WDR88: variants seen among roughly 807,000 people sequenced by gnomAD.
WDR88 encodes WD repeat domain 88, also known as WD repeat-containing protein 88.
In WDR88, 40 loss-of-function variants were observed where a neutral mutation model predicts 46.8. The ratio of observed to expected loss-of-function variants is 0.86; its 90% CI spans 0.66 to 1.11. WDR88 has a LOEUF of 1.11. Ranked by LOEUF, WDR88 falls within the 50% of genes most tolerant of loss-of-function variation. The pLI, the probability that WDR88 is intolerant of heterozygous loss-of-function variation, is 0.00. For missense variants in WDR88, 562 were observed against 602.4 expected (o/e 0.93, Z 0.70); for synonymous variants, 235 against 240.7 (o/e 0.98, Z 0.22).
intron 3 of WDR88, 125 bp from the exon 4 acceptor site, chr19:33,147,520 T>C: frequency 7.2e-6 from 6 of 828,434 alleles, no homozygotes; most frequent in Non-Finnish European, 1.1e-5. Context: ...GGAGGGTCGT[T>C]TGAACCTGGG....
At chr19:33,171,183 G>A (rs1028127849) in intron 9 of WDR88, among the ~76,000 whole-genome samples, 2 of 151,988 alleles carry the variant, frequency 1.3e-5, no homozygotes, top group Non-Finnish European at 2.9e-5. Flanking sequence ...ACAGAGTTTC[G>A]CCATGTTGGC....
intron 5 of WDR88, among the ~76,000 whole-genome samples, chr19:33,150,441 C>G (rs1420503136): frequency 6.6e-6 from 1 of 152,096 alleles, no homozygotes; most frequent in African/African-American, 2.4e-5. Context: ...AGAATGAGGC[C>G]CTGTCTCAAA....
At position 33,156,478 on chromosome 19, in the gene WDR88, A is replaced by G. The variant is rs769601700; in HGVS notation, c.933A>G (p.Gly311=). The change falls in exon 7 of 11, where the codon GGA becomes GGG. Residue 311 remains glycine, a synonymous_variant. Transcript: ENST00000355868. The part of the protein sequence containing the change: ...NVHTGEFRNC[G]ACVTLMQGHE... ...ACACAGGGGAGTTTCGAAACTGTGG[A>G]GCCTGTGTGACTCTGATGCAGGGCC... 6.2e-6 allele frequency: 10 copies of G among 1,614,028 alleles called. No individual in the cohort carries two copies. In the Admixed American group the frequency reaches 1.5e-4, roughly 24 times the overall value.
intron 10 of WDR88, among the ~76,000 whole-genome samples, chr19:33,173,946 G>A (rs760441868): frequency 6.6e-6 from 1 of 152,166 alleles, no homozygotes; most frequent in East Asian, 1.9e-4. Context: ...CGCCTCCCGG[G>A]TTCAAGCGAT....
chr19:33,160,401 T>TTTTCA lies in WDR88; in HGVS notation c.998-9_998-8insATTTC, dbSNP rs1973845369. ...GTTGACCCCCATCTCCACCCTTTCA[T>TTTTCA]TTTCTGTTGCAGGCTCTTTTCTCAT... On this transcript the variant is annotated splice_polypyrimidine_tract_variant and intron_variant, in intron 7 of 10. Coordinates refer to ENST00000355868, the MANE Select transcript of WDR88 (RefSeq NM_173479.4). 11 of 1,613,958 alleles carry TTTTCA rather than the reference T, an allele frequency of 6.8e-6. No individual in the cohort carries two copies. Among genetic ancestry groups the TTTTCA allele is most frequent in the Middle Eastern group, 1.6e-4 (1 of 6,082 alleles).
chr19:33,155,158 T>G (rs1047348463), intron 6 of WDR88, among the ~76,000 whole-genome samples: 21 of 152,346 alleles, frequency 1.4e-4, no homozygotes, highest in African/African-American at 5.0e-4. Context: ...ATTTTTTTTC[T>G]GAGATAGAGT....
chr19:33,157,677 GTGTA>G (rs1235076425), intron 7 of WDR88, among the ~76,000 whole-genome samples: 639 of 3,342 alleles, frequency 0.19, 17 homozygotes, highest in Non-Finnish European at 0.22. Context: ...ATGTGTGTGT[GTGTA>G]TGTATGTATA....
chr19:33,134,886 G>T (rs1417813338), intron 1 of WDR88, among the ~76,000 whole-genome samples: 1 of 76,330 alleles, frequency 1.3e-5, no homozygotes, highest in Non-Finnish European at 2.4e-5. Context: ...GGCCACCGCC[G>T]CCCTGAACCG....
chr19:33,172,261 C>T, intron 9 of WDR88, 87 bp from the exon 10 acceptor site: 2 of 1,140,952 alleles, frequency 1.8e-6, no homozygotes, highest in South Asian at 1.4e-5. Flanking sequence ...GCCTTGACAG[C>T]CCATGTCTTT....
chr19:33,162,056 CT>C (rs1312017519), intron 8 of WDR88, among the ~76,000 whole-genome samples: 1 of 152,182 alleles, frequency 6.6e-6, no homozygotes, highest in East Asian at 1.9e-4. Flanking sequence ...CCTCTGATTC[CT>C]TTTTCTCTAA....
chr19:33,161,824 G>A (rs982362536), intron 8 of WDR88, among the ~76,000 whole-genome samples: 2 of 152,104 alleles, frequency 1.3e-5, no homozygotes, highest in Non-Finnish European at 2.9e-5. Context: ...AATTAGCCAG[G>A]TGTGGTCATG....
At chr19:33,160,619 T>C (rs1236268227) in intron 8 of WDR88, 123 bp downstream of exon 8, 3 of 1,012,516 alleles carry the variant, frequency 3.0e-6, no homozygotes, top group East Asian at 2.4e-5. Context: ...TGTGGGCTGA[T>C]GAAGGACAGA....
At position 33,132,243 on chromosome 19, in the gene WDR88, C is replaced by G; in HGVS notation, c.74C>G (p.Ala25Gly). Reference protein sequence around the residue: ...ECKLPPPSAPASEYCPGKLSW... With the variant: ...ECKLPPPSAPGSEYCPGKLSW... ...AAGTTGCCGCCACCCTCCGCCCCCGCCAGCGAGTATTGTCCCGGCAAGCTG... is the reference window on the plus strand; with the variant it reads ...AAGTTGCCGCCACCCTCCGCCCCCGGCAGCGAGTATTGTCCCGGCAAGCTG... Residue 25 changes from alanine (A) to glycine (G), a missense_variant, in exon 1 of 11, where the codon GCC becomes GGC. Transcript: ENST00000355868. The G allele has an allele frequency of 6.2e-7, 1 of 1,612,126 alleles. No individual in the cohort carries two copies. Among genetic ancestry groups the G allele is most frequent in the Non-Finnish European group, 8.5e-7 (1 of 1,179,914 alleles).
intron 5 of WDR88, among the ~76,000 whole-genome samples, chr19:33,150,513 C>A (rs750238037): frequency 1.3e-5 from 2 of 152,246 alleles, no homozygotes; most frequent in Non-Finnish European, 2.9e-5. Flanking sequence ...TGTCCTGTCT[C>A]CTCCCCAGAG....
chr19:33,134,593 C>T (rs1973211457), intron 1 of WDR88, among the ~76,000 whole-genome samples: 1 of 150,700 alleles, frequency 6.6e-6, no homozygotes, highest in South Asian at 2.1e-4. Context: ...GAGGCGGGGG[C>T]GGTGCGGGAG....
At chr19:33,175,355 C>T (rs770400200) in intron 10 of WDR88, 41 bp from the exon 11 acceptor site, 1 of 1,602,394 alleles carries the variant, frequency 6.2e-7, no homozygotes, top group Non-Finnish European at 8.5e-7. Context: ...TCACCTCTGA[C>T]CAGCACCTCC....
At chr19:33,166,211 G>A (rs1234962444) in intron 9 of WDR88, among the ~76,000 whole-genome samples, 1 of 149,728 alleles carries the variant, frequency 6.7e-6, no homozygotes, top group African/African-American at 2.5e-5. Flanking sequence ...CTGGGAGGTC[G>A]AGGCTGCAGT....
intron 4 of WDR88, 76 bp downstream of exon 4, chr19:33,147,784 A>G: frequency 7.2e-7 from 1 of 1,385,458 alleles, no homozygotes; most frequent in Non-Finnish European, 1.0e-6. Flanking sequence ...TTTGGGTTGG[A>G]CCCTGGGTAG....
At position 33,137,802 on chromosome 19, in the gene WDR88, G is replaced by T. The variant is rs1383241986; in HGVS notation, c.387+15G>T. 3 of 1,608,244 alleles carry T rather than the reference G, an allele frequency of 1.9e-6. No individual in the cohort carries two copies. The African/African-American group carries it at 4.0e-5, about 22-fold the overall frequency. On this transcript the variant is annotated intron_variant, in intron 2 of 10. Coordinates refer to ENST00000355868, the MANE Select transcript of WDR88 (RefSeq NM_173479.4). ...TGAAGCTGTGGGTAGGTGGCCGGCT[G>T]TTAGGTACTCCTGGAGCGAAAACCT...
Sources: gnomAD v4.1 joint callset for allele counts (sites outside exome capture counted in the v4.1 genomes callset) on GRCh38, gnomAD v4.1.1 for gene constraint, MANE v1.5 for transcripts, NCBI Gene and HGNC (gene_info 2026-07-23, HGNC 2026-07-21) for gene names.